The following APC variants were observed in gnomAD, a reference collection of about 807,000 sequenced individuals.
APC encodes the protein adenomatous polyposis coli protein.
In APC, 72 loss-of-function variants were observed where a neutral mutation model predicts 247.0. The observed-to-expected ratio is 0.29, with a 90% confidence interval of 0.24 to 0.35. The LOEUF (loss-of-function observed/expected upper bound fraction) is 0.35. Among genes scored for constraint, APC ranks in the 10% least tolerant of loss-of-function variants. APC has a pLI of 1.00. For synonymous variants in APC, 1,254 were observed against 1,162.5 expected (o/e 1.08, Z -1.60); for missense variants, 3,400 against 3,360.7 (o/e 1.01, Z -0.29).
intron 4 of APC, among the ~76,000 whole-genome samples, chr5:112,773,775 C>T (rs1306156353): frequency 6.6e-6 from 1 of 152,058 alleles, no homozygotes; most frequent in Non-Finnish European, 1.5e-5. Flanking sequence ...TGACAAAGCA[C>T]TATCATTTTT....
In APC at chr5:112,845,967, T is replaced by C; in HGVS notation, c.*1841T>C. 1 of 232,228 alleles carries C rather than the reference T, an allele frequency of 4.3e-6. No individual in the cohort carries two copies. 14.4% of individuals were successfully genotyped at this position (232,228 alleles called of 1,614,324 possible). ...GAAAATCACATCAAGTAGTTAATTA[T>C]CTACCCCTTACCTGTGTTTATAACT... On this transcript the variant is annotated 3_prime_UTR_variant, in exon 16 of 16. Coordinates refer to ENST00000257430, the MANE Select transcript of APC (RefSeq NM_000038.6).
intron 2 of APC, among the ~76,000 whole-genome samples, chr5:112,762,373 A>T (rs138451682): frequency 5.1e-4 from 78 of 152,336 alleles, no homozygotes; most frequent in African/African-American, 1.7e-3. Context: ...AGTGTCCACT[A>T]AACGGTACAA....
At chr5:112,740,736 G>C (rs1264700488) in intron 1 of APC, among the ~76,000 whole-genome samples, 1 of 151,794 alleles carries the variant, frequency 6.6e-6, no homozygotes, top group Non-Finnish European at 1.5e-5. Context: ...ATGTTGCCCA[G>C]GGTGGTCTCG....
At chr5:112,770,313 G>T (rs892274051) in intron 4 of APC, among the ~76,000 whole-genome samples, 1 of 152,100 alleles carries the variant, frequency 6.6e-6, no homozygotes, top group African/African-American at 2.4e-5. Flanking sequence ...TAAATGCAAT[G>T]ATCCCCATGT....
chr5:112,780,731 C>T, intron 5 of APC, 59 bp from the exon 6 acceptor site: 3 of 1,225,544 alleles, frequency 2.4e-6, no homozygotes, highest in Admixed American at 1.9e-5. Flanking sequence ...TGCTTTTTTG[C>T]TTTTACTGAT....
At chr5:112,797,272 G>A (rs899789591) in intron 7 of APC, among the ~76,000 whole-genome samples, 2 of 151,984 alleles carry the variant, frequency 1.3e-5, no homozygotes, top group Non-Finnish European at 2.9e-5. Context: ...TTACAATTTT[G>A]CCGTTTGTGG....
At chr5:112,770,426 T>C (rs960222012) in intron 4 of APC, among the ~76,000 whole-genome samples, 3 of 152,190 alleles carry the variant, frequency 2.0e-5, no homozygotes, top group Non-Finnish European at 4.4e-5. Context: ...TTAAAGGTGC[T>C]TTAGCCTTTT....
intron 8 of APC, among the ~76,000 whole-genome samples, chr5:112,801,885 T>C (rs1760871108): frequency 2.0e-5 from 3 of 152,114 alleles, no homozygotes; most frequent in Non-Finnish European, 4.4e-5. Context: ...CATGGCCTAA[T>C]TATGCTTAAT....
At chr5:112,749,816 T>G (rs1581104858) in intron 1 of APC, among the ~76,000 whole-genome samples, 1 of 150,082 alleles carries the variant, frequency 6.7e-6, no homozygotes, top group East Asian at 2.0e-4. Flanking sequence ...ACTATTAAGG[T>G]TTTTCTGTTG....
rs587779809 is a variant in APC, at chr5:112,843,827, C to A, written c.8233C>A (p.Pro2745Thr). 3 of 1,613,938 alleles carry A rather than the reference C, an allele frequency of 1.9e-6. No individual in the cohort carries two copies. The highest frequency in any genetic ancestry group is 2.5e-6 in the Non-Finnish European group (3 of 1,179,964). Residue 2745 changes from proline (P) to threonine (T), a missense_variant, in exon 16 of 16, where the codon CCT becomes ACT. Transcript: ENST00000257430. This position sits in a 1 kb window ranked among gnomAD's most constrained non-coding sequence, Gnocchi z 4.8. ...TGAGATAAAACCAGGACAAAATAAT[C>A]CTGTCCCTGTATCAGAGACTAATGA... ...GTEIKPGQNN[P>T]VPVSETNESS...
rs2150011803 is a variant in APC at position 112,845,453 on chromosome 5, T to TG, written c.*1328dup. 4.3e-6 allele frequency: 1 copy of TG among 233,264 alleles called. No individual in the cohort carries two copies. The highest frequency in any genetic ancestry group is 1.8e-4 in the South Asian group (1 of 5,526). The allele number at this position is 233,264 out of a possible 1,614,324, so 14.4% of individuals were successfully genotyped here. A position where few individuals can be genotyped will look rare whatever the true frequency, so the allele number is the denominator to read the frequency against. ...CTGTCTTGCCCCTTCATCTTCTTGT[T>TG]GCAACTGGGTCTGACATGAACACTT... is the stretch of plus-strand genomic sequence containing the variant. On this transcript the variant is annotated 3_prime_UTR_variant, in exon 16 of 16. Coordinates refer to ENST00000257430, the MANE Select transcript of APC (RefSeq NM_000038.6).
chr5:112,799,426 G>C (rs1443265426), intron 7 of APC, among the ~76,000 whole-genome samples: 2 of 151,856 alleles, frequency 1.3e-5, no homozygotes, highest in Admixed American at 6.6e-5. Flanking sequence ...TCCTGTCAGC[G>C]AACCCGATCA....
At chr5:112,759,356 C>CTTTTTTTTTTTTTTTTT (rs887438895) in intron 2 of APC, among the ~76,000 whole-genome samples, 19 of 122,328 alleles carry the variant, frequency 1.6e-4, no homozygotes, top group South Asian at 5.3e-4. Context: ...TTCTTTCTTT[C>CTTTTTTTTTTTTTTTTT]TTTTTTTTTT....
At chr5:112,802,419 A>G (rs1293650721) in intron 8 of APC, among the ~76,000 whole-genome samples, 1 of 152,114 alleles carries the variant, frequency 6.6e-6, no homozygotes, top group Non-Finnish European at 1.5e-5. Flanking sequence ...TAGTTGCAAC[A>G]TTTATATATT....
chr5:112,766,502 G>A, intron 3 of APC, 92 bp downstream of exon 3: 2 of 785,678 alleles, frequency 2.5e-6, no homozygotes, highest in Non-Finnish European at 4.3e-6. Context: ...TCTCGATTTG[G>A]GTGTTGGTAT....
intron 1 of APC, among the ~76,000 whole-genome samples, chr5:112,713,723 A>G (rs1268138247): frequency 2.6e-5 from 4 of 152,172 alleles, no homozygotes; most frequent in Non-Finnish European, 4.4e-5. Flanking sequence ...GCTGGAGTGC[A>G]GTGGCTTGAT....
In APC at chr5:112,827,251, T is replaced by C. The variant is rs754275272; in HGVS notation, c.1548+4T>C. 1 of 1,613,766 alleles carries C rather than the reference T, an allele frequency of 6.2e-7. No homozygotes were observed. The highest frequency in any genetic ancestry group is 1.1e-5 in the South Asian group (1 of 91,078). ...TTTTGGAGATGTAGCCAACAAGGTA[T>C]GTTTTTATAACATGTATTTCTTAAG... On this transcript the variant is annotated splice_donor_region_variant and intron_variant, in intron 12 of 15. Coordinates refer to ENST00000257430, the MANE Select transcript of APC (RefSeq NM_000038.6).
In APC at chr5:112,842,631, C is replaced by A. The variant is rs2149978691; in HGVS notation, c.7037C>A (p.Pro2346Gln). The change falls in exon 16 of 16, where the codon CCA (proline) becomes CAA (glutamine). Residue 2346 changes from proline to glutamine, a missense_variant. This residue lies in a region of APC where 1,788 missense variants were observed against 1,649.5 expected (regional missense o/e 1.08). Transcript: ENST00000257430. ...ISPPNKLSQL[P>Q]RTSSPSTAST... is the part of the protein sequence containing the mutation. ...CCTCCTAACAAATTATCTCAACTTC[C>A]AAGGACATCATCCCCTAGTACTGCT... 1 of 1,613,912 alleles carries A rather than the reference C, an allele frequency of 6.2e-7. No individual in the cohort carries two copies.
intron 1 of APC, among the ~76,000 whole-genome samples, chr5:112,740,031 A>G (rs1752813687): frequency 6.6e-6 from 1 of 152,136 alleles, no homozygotes; most frequent in African/African-American, 2.4e-5. Flanking sequence ...TAAAACTATA[A>G]TGCCTTTTAT....
Sources: allele counts gnomAD v4.1 joint callset (sites outside exome capture counted in the v4.1 genomes callset), GRCh38; gene constraint gnomAD v4.1.1; regional missense constraint gnomAD v4.1.1; non-coding constraint Gnocchi (gnomAD v3.1); transcripts MANE v1.5; gene names NCBI Gene and HGNC (gene_info 2026-07-23, HGNC 2026-07-21).